Variants in PHACTR2 observed in about 807,000 individuals in gnomAD.
The protein encoded by PHACTR2 is chromosome 6 open reading frame 56.
A neutral mutation model predicts 76.0 loss-of-function variants in PHACTR2; 30 were observed. The ratio of observed to expected loss-of-function variants is 0.39; its 90% CI spans 0.30 to 0.54. The LOEUF is 0.54. Among genes scored for constraint, PHACTR2 ranks in the 20% least tolerant of loss-of-function variants. The pLI is 0.61. For missense variants in PHACTR2, 696 were observed against 781.1 expected, an observed-to-expected ratio of 0.89 and a Z score of 1.30; for synonymous variants, 292 against 292.5, an observed-to-expected ratio of 1.00 and a Z score of 0.02.
rs1775597909 is a variant in PHACTR2, at chr6:143,583,710, G to T, written c.217+46503G>T. Among the ~76,000 whole-genome samples, 1 of 152,216 alleles carries T rather than the reference G, an allele frequency of 6.6e-6. No individual in the cohort carries two copies. Among genetic ancestry groups the T allele is most frequent in the Non-Finnish European group, 1.5e-5 (1 of 68,042 alleles). On this transcript the variant is annotated intron_variant, in intron 1 of 11. Transcript: ENST00000367584. The surrounding 1 kb of genome is among the most constrained non-coding windows in gnomAD (Gnocchi z 4.0). Reference sequence around the variant, plus strand: ...ATACACCCAAAGACTTTGGACATTGGTGTGGAAATACATTTGCTCACTACA... The same window carrying T: ...ATACACCCAAAGACTTTGGACATTGTTGTGGAAATACATTTGCTCACTACA...
Position 143,646,483 on chromosome 6 carries a change from T to A in PHACTR2, c.13+38161T>A, listed in dbSNP as rs1431672848. On this transcript the variant is annotated intron_variant, in intron 1 of 11. Transcript: ENST00000305766. This position sits in a 1 kb window ranked among gnomAD's most constrained non-coding sequence, Gnocchi z 4.1. ...TGGCAGACACAGGCAAACACATACA[T>A]GTATTTTAACATAATATGATGACTA... Among the ~76,000 whole-genome samples, 4 of 152,288 alleles carry A rather than the reference T, an allele frequency of 2.6e-5. No individual in the cohort carries two copies. The East Asian group carries it at 7.7e-4, about 29-fold the overall frequency.
rs541033871 is a variant in PHACTR2, at chr6:143,581,972, A to T, written c.217+44765A>T. ...ATTGGCATGAAGGCCTTGGGTCTTA[A>T]TGCCTAAGTGAGTCACATAAACCCT... On this transcript the variant is annotated intron_variant, in intron 1 of 11. Coordinates refer to the PHACTR2 transcript ENST00000367584. The surrounding 1 kb of genome is among the most constrained non-coding windows in gnomAD (Gnocchi z 4.5). Among the ~76,000 whole-genome samples the T allele has an allele frequency of 1.8e-4, 28 of 152,340 alleles. No homozygotes were observed. The highest frequency in any genetic ancestry group is 5.8e-4 in the African/African-American group (24 of 41,572).
At chr6:143,726,413 A>G (rs9496759) in intron 2 of PHACTR2, among the ~76,000 whole-genome samples, 4,884 of 152,284 alleles carry the variant, frequency 0.032, 266 homozygotes, top group African/African-American at 0.11. Flanking sequence ...CTGAAACTCT[A>G]CATCTATTAG....
rs893749402 is a variant in PHACTR2, at chr6:143,819,638, G to T, written c.1923-4036G>T. ...TACAAAGGGTGGGGAGCCTGGAGTT[G>T]TTGTTCAAGGACAAGAGAGGAAGAG... On this transcript the variant is annotated intron_variant, in intron 12 of 12. Transcript: ENST00000440869. This position sits in a 1 kb window ranked among gnomAD's most constrained non-coding sequence, Gnocchi z 5.0. Among the ~76,000 whole-genome samples, 1 of 152,150 alleles carries T rather than the reference G, an allele frequency of 6.6e-6. No individual in the cohort carries two copies. The highest frequency in any genetic ancestry group is 1.5e-5 in the Non-Finnish European group (1 of 68,020).
rs1459264646 is a variant in PHACTR2, at chr6:143,547,994, AT to A, written c.217+10788del. ...TCATCATCATGTGTATCATCTATCT[AT>A]CTTATTTTGGCCTACTATAACAAAC... On this transcript the variant is annotated intron_variant, in intron 1 of 11. Transcript: ENST00000367584. This position sits in a 1 kb window ranked among gnomAD's most constrained non-coding sequence, Gnocchi z 4.2. Among the ~76,000 whole-genome samples the A allele has an allele frequency of 1.3e-5, 2 of 151,970 alleles. No homozygotes were observed. Among genetic ancestry groups the A allele is most frequent in the Admixed American group, 6.6e-5 (1 of 15,264 alleles).
At position 143,547,449 on chromosome 6, in the gene PHACTR2, T is replaced by A. The variant is rs1261039135; in HGVS notation, c.217+10242T>A. Among the ~76,000 whole-genome samples the A allele has an allele frequency of 6.6e-6, 1 of 152,204 alleles. No individual in the cohort carries two copies. The highest frequency in any genetic ancestry group is 1.5e-5 in the Non-Finnish European group (1 of 68,040). On this transcript the variant is annotated intron_variant, in intron 1 of 11. Transcript: ENST00000367584. The surrounding 1 kb of genome is among the most constrained non-coding windows in gnomAD (Gnocchi z 4.2). ...CACATTACTTTATAGTAACACTGCGTACCTCCAAAATATATAACCACACAA... is the reference window on the plus strand; with the variant it reads ...CACATTACTTTATAGTAACACTGCGAACCTCCAAAATATATAACCACACAA...
chr6:143,645,669 T>C (rs932301675), intron 1 of PHACTR2, among the ~76,000 whole-genome samples: 1 of 152,244 alleles, frequency 6.6e-6, no homozygotes, highest in African/African-American at 2.4e-5. Context: ...TTCTCTGTCT[T>C]TTCCATTCTT....
rs995391264 is a variant in PHACTR2, at chr6:143,825,493, A to G, written c.*1804A>G. 6.6e-6 allele frequency: 1 copy of G among 152,184 alleles called. No individual in the cohort carries two copies. The highest frequency in any genetic ancestry group is 1.5e-5 in the Non-Finnish European group (1 of 68,016). 9.4% of individuals were successfully genotyped at this position (152,184 alleles called of 1,614,324 possible). ...CACACCTAGAGTCTGTTGTCATTTC[A>G]CTAATAGGATAAGACAAATTTTTTG... is the stretch of plus-strand genomic sequence containing the variant. On this transcript the variant is annotated 3_prime_UTR_variant, in exon 13 of 13. Transcript: ENST00000440869. This position sits in a 1 kb window ranked among gnomAD's most constrained non-coding sequence, Gnocchi z 4.1.
At chr6:143,702,337 G>C (rs1777934322) in intron 1 of PHACTR2, among the ~76,000 whole-genome samples, 1 of 152,078 alleles carries the variant, frequency 6.6e-6, no homozygotes, top group Non-Finnish European at 1.5e-5. Context: ...TCGATCTCTT[G>C]ACCTTGTGAT....
rs1402538623 is a variant in PHACTR2 at position 143,663,242 on chromosome 6, T to G, written c.14-48774T>G. 3.3e-5 allele frequency among the ~76,000 whole-genome samples: 5 copies of G among 152,210 alleles called. No homozygotes were observed. Among genetic ancestry groups the G allele is most frequent in the African/African-American group, 9.6e-5 (4 of 41,464 alleles). ...AGTATATACCCAGTAATGATATTTT[T>G]GGGTCACATGGTAACTCTGTTTTAA... On this transcript the variant is annotated intron_variant, in intron 1 of 11. Transcript: ENST00000305766. The surrounding 1 kb of genome is among the most constrained non-coding windows in gnomAD (Gnocchi z 4.1).
chr6:143,823,514 G>A lies in PHACTR2; in HGVS notation c.1923-160G>A, dbSNP rs1303661453. Among the ~76,000 whole-genome samples the A allele has an allele frequency of 5.9e-5, 9 of 152,086 alleles. No homozygotes were observed. Among genetic ancestry groups the A allele is most frequent in the Non-Finnish European group, 1.2e-4 (8 of 68,014 alleles). ...ATATATGCTTTCCTTAATAATATTTGTAACAGTATTTTGTTATGACAGAAA... is the reference window on the plus strand; with the variant it reads ...ATATATGCTTTCCTTAATAATATTTATAACAGTATTTTGTTATGACAGAAA... On this transcript the variant is annotated intron_variant, in intron 12 of 12. Coordinates refer to ENST00000440869, the MANE Select transcript of PHACTR2 (RefSeq NM_001100164.2). The surrounding 1 kb of genome is among the most constrained non-coding windows in gnomAD (Gnocchi z 5.7).
At chr6:143,579,776 G>T (rs949487388) in intron 1 of PHACTR2, among the ~76,000 whole-genome samples, 2 of 151,654 alleles carry the variant, frequency 1.3e-5, no homozygotes, top group Non-Finnish European at 2.9e-5. Context: ...CTACCCTACA[G>T]TGTAGCTGCT....
intron 1 of PHACTR2, among the ~76,000 whole-genome samples, chr6:143,706,052 C>A (rs559294883): frequency 2.6e-5 from 4 of 152,284 alleles, no homozygotes; most frequent in African/African-American, 9.6e-5. Context: ...GGGTTATAAT[C>A]TAATACTATA....
chr6:143,559,632 A>C (rs1323526419), intron 1 of PHACTR2, among the ~76,000 whole-genome samples: 1 of 144,396 alleles, frequency 6.9e-6, no homozygotes, highest in Non-Finnish European at 1.5e-5. Context: ...ATTGTTAAGT[A>C]TACCAGTTAT....
chr6:143,542,940 G>A (rs1285843286), intron 1 of PHACTR2, among the ~76,000 whole-genome samples: 8 of 152,122 alleles, frequency 5.3e-5, no homozygotes, highest in African/African-American at 1.2e-4. Flanking sequence ...GTTTCCATTC[G>A]TCCATTCATT....
intron 1 of PHACTR2, among the ~76,000 whole-genome samples, chr6:143,612,914 A>G (rs555812306): frequency 1.2e-4 from 18 of 152,364 alleles, no homozygotes; most frequent in Admixed American, 6.5e-4. Context: ...CCATTGTGCT[A>G]TTTTAGCATT....
chr6:143,760,594 C>T lies in PHACTR2; in HGVS notation c.648C>T (p.Pro216=), dbSNP rs771115980. ...CCAAGGCTCCTGGTAAGCAGGCCCC[C>T]GTCCCTCCACCCAAGCCAGCAAGCC... The part of the protein sequence containing the change: ...KNTKAPGKQA[P]VPPPKPASRN... Residue 216 remains proline (P), a synonymous_variant, in exon 5 of 13, where the codon CCC becomes CCT. Coordinates refer to ENST00000440869, the MANE Select transcript of PHACTR2 (RefSeq NM_001100164.2). This position sits in a 1 kb window ranked among gnomAD's most constrained non-coding sequence, Gnocchi z 6.4. 1.4e-5 allele frequency: 23 copies of T among 1,613,838 alleles called. No homozygotes were observed. The highest frequency in any genetic ancestry group is 5.5e-5 in the South Asian group (5 of 91,066).
chr6:143,577,157 G>T (rs1775525351), intron 1 of PHACTR2, among the ~76,000 whole-genome samples: 1 of 152,124 alleles, frequency 6.6e-6, no homozygotes. Context: ...AGAACACCAA[G>T]AATTTTGCTG....
At chr6:143,590,264 A>T (rs1478603951) in intron 1 of PHACTR2, among the ~76,000 whole-genome samples, 10 of 152,178 alleles carry the variant, frequency 6.6e-5, no homozygotes, top group African/African-American at 2.4e-4. Flanking sequence ...CATGTGCTGC[A>T]GATGACTTTT....
Sources: gnomAD v4.1 joint callset for allele counts (sites outside exome capture counted in the v4.1 genomes callset) on GRCh38, gnomAD v4.1.1 for gene constraint, Gnocchi (gnomAD v3.1) non-coding constraint, MANE v1.5 for transcripts, NCBI Gene and HGNC (gene_info 2026-07-23, HGNC 2026-07-21) for gene names.